The following RAB3IP variants were observed in gnomAD, a reference collection of about 807,000 sequenced individuals.
The protein encoded by RAB3IP is rab-3A-interacting protein.
RAB3IP carries 36 observed loss-of-function variants against 59.1 expected under a neutral mutation model. The ratio of observed to expected loss-of-function variants is 0.61; its 90% CI spans 0.47 to 0.80. RAB3IP has a LOEUF of 0.80. Ranked by LOEUF, RAB3IP falls within the 30% of genes least tolerant of loss-of-function variation. RAB3IP has a pLI of 0.00. For synonymous variants in RAB3IP, 207 were observed against 191.2 expected (o/e 1.08, Z -0.68); for missense variants, 511 against 536.0 (o/e 0.95, Z 0.46).
intron 1 of RAB3IP, among the ~76,000 whole-genome samples, chr12:69,753,700 A>G (rs1194560539): frequency 1.3e-5 from 2 of 152,200 alleles, no homozygotes; most frequent in African/African-American, 2.4e-5. Context: ...CTGTCAAAGT[A>G]CTATCATAGG....
intron 3 of RAB3IP, among the ~76,000 whole-genome samples, chr12:69,760,199 G>A (rs1170310123): frequency 4.6e-5 from 7 of 152,366 alleles, no homozygotes; most frequent in Admixed American, 2.0e-4. Context: ...CCAACACAGC[G>A]AAACCCCGTC....
At chr12:69,769,015 TCTC>T (rs1872680604) in intron 3 of RAB3IP, among the ~76,000 whole-genome samples, 1 of 152,060 alleles carries the variant, frequency 6.6e-6, no homozygotes, top group African/African-American at 2.4e-5. Flanking sequence ...CCTGGGCTGT[TCTC>T]CTGATACTGA....
At chr12:69,742,653 A>G (rs1887457251) in intron 1 of RAB3IP, among the ~76,000 whole-genome samples, 2 of 152,208 alleles carry the variant, frequency 1.3e-5, no homozygotes, top group Non-Finnish European at 2.9e-5. Context: ...CAGTTGAAGA[A>G]TGTTAGGATG....
intron 3 of RAB3IP, among the ~76,000 whole-genome samples, chr12:69,767,663 C>A (rs114502835): frequency 2.6e-5 from 4 of 152,152 alleles, no homozygotes; most frequent in Admixed American, 2.6e-4. Flanking sequence ...TCTGCCTGGG[C>A]GTGGAGCAGA....
intron 3 of RAB3IP, among the ~76,000 whole-genome samples, chr12:69,767,866 G>T (rs1872482643): frequency 6.6e-6 from 1 of 152,044 alleles, no homozygotes; most frequent in South Asian, 2.1e-4. Context: ...ATCTCTGAAT[G>T]CCTGGAGATC....
chr12:69,739,968 T>TA, intron 1 of RAB3IP: 1 of 1,138,036 alleles, frequency 8.8e-7, no homozygotes, highest in Non-Finnish European at 1.3e-6. Flanking sequence ...GGCTACCTGT[T>TA]ATACACTCTC....
At position 69,755,492 on chromosome 12, in the gene RAB3IP, A is replaced by G. The variant is rs892743424; in HGVS notation, c.84A>G (p.Ser28=). The G allele has an allele frequency of 1.2e-6, 2 of 1,614,044 alleles. No homozygotes were observed. Among genetic ancestry groups the G allele is most frequent in the African/African-American group, 2.7e-5 (2 of 74,910 alleles). The change falls in exon 2 of 11, where the codon TCA becomes TCG. Residue 28 remains serine (S), a synonymous_variant. Coordinates refer to ENST00000247833, the MANE Select transcript of RAB3IP (RefSeq NM_022456.5). ...TSPDLLGVYE[S]GTQEQTTSPS... ...CGGACCTTCTTGGTGTGTATGAATC[A>G]GGAACTCAAGAGCAGACTACCTCAC...
intron 1 of RAB3IP, among the ~76,000 whole-genome samples, chr12:69,745,706 A>G (rs1868310153): frequency 6.6e-6 from 1 of 152,172 alleles, no homozygotes; most frequent in East Asian, 1.9e-4. Context: ...CATGTGCAGA[A>G]CATGCAGGTT....
At chr12:69,742,259 T>C (rs757589451) in intron 1 of RAB3IP, among the ~76,000 whole-genome samples, 5 of 152,214 alleles carry the variant, frequency 3.3e-5, no homozygotes, top group Non-Finnish European at 5.9e-5. Flanking sequence ...TTTTTTCCGA[T>C]ATAATTCTGA....
chr12:69,800,065 T>C (rs1329266063), intron 6 of RAB3IP, 144 bp from the exon 7 acceptor site: 1 of 492,272 alleles, frequency 2.0e-6, no homozygotes, highest in African/African-American at 2.0e-5. Flanking sequence ...CTACCAGGTA[T>C]TGAACCACCA....
chr12:69,794,624 A>T (rs573615673), intron 5 of RAB3IP, 110 bp downstream of exon 5: 1 of 791,426 alleles, frequency 1.3e-6, no homozygotes, highest in South Asian at 2.2e-5. Context: ...GCTTGTTTTC[A>T]ATTTGGAAAC....
chr12:69,744,401 C>T (rs1027743685), intron 1 of RAB3IP, among the ~76,000 whole-genome samples: 1 of 151,912 alleles, frequency 6.6e-6, no homozygotes, highest in African/African-American at 2.4e-5. Flanking sequence ...TAACTAACAT[C>T]TCTACACATG....
chr12:69,809,837 G>T (rs987254810), intron 8 of RAB3IP, among the ~76,000 whole-genome samples: 7 of 151,968 alleles, frequency 4.6e-5, no homozygotes, highest in Non-Finnish European at 8.8e-5. Flanking sequence ...CTTTGCCATT[G>T]GTTCGAACTT....
chr12:69,754,342 G>GACACACAC (rs146834778), intron 1 of RAB3IP, among the ~76,000 whole-genome samples: 12,201 of 149,982 alleles, frequency 0.081, 716 homozygotes, highest in East Asian at 0.27. Flanking sequence ...CAGATACACG[G>GACACACAC]GCACACACAC....
intron 1 of RAB3IP, among the ~76,000 whole-genome samples, chr12:69,748,184 C>T (rs898546582): frequency 6.6e-6 from 1 of 150,460 alleles, no homozygotes; most frequent in Non-Finnish European, 1.5e-5. Context: ...TTCTTTTGGA[C>T]TACTGATATA....
At position 69,739,679 on chromosome 12, in the gene RAB3IP, C is replaced by T. The variant is rs905958418; in HGVS notation, c.-26+648C>T. The T allele has an allele frequency of 1.4e-4, 92 of 677,200 alleles. No individual in the cohort carries two copies. In the African/African-American group the frequency reaches 1.6e-3, roughly 11 times the overall value. 41.9% of individuals were successfully genotyped at this position (677,200 alleles called of 1,614,324 possible). A position where few individuals can be genotyped will look rare whatever the true frequency, so the allele number is the denominator to read the frequency against. On this transcript the variant is annotated intron_variant, in intron 1 of 10. Transcript: ENST00000247833. ...GCCCAAGTAGGCAGCTCCGTGCCGC[C>T]AGACTTGTGTTCGGGGGAGTTGAGA... is the stretch of plus-strand genomic sequence containing the variant.
intron 3 of RAB3IP, among the ~76,000 whole-genome samples, chr12:69,779,517 T>G (rs1357361290): frequency 6.6e-6 from 1 of 152,144 alleles, no homozygotes; most frequent in African/African-American, 2.4e-5. Flanking sequence ...CCATAGATCT[T>G]GTAAGCTTTC....
intron 2 of RAB3IP, 121 bp downstream of exon 2, chr12:69,755,780 A>G: frequency 2.7e-6 from 2 of 752,584 alleles, no homozygotes; most frequent in East Asian, 5.4e-5. Flanking sequence ...CTAGGTAAAG[A>G]AATACATGAC....
intron 3 of RAB3IP, among the ~76,000 whole-genome samples, chr12:69,769,242 C>G (rs547747909): frequency 6.6e-6 from 1 of 152,144 alleles, no homozygotes; most frequent in Admixed American, 6.5e-5. Flanking sequence ...CAGACTAATA[C>G]GTGCCCAGAT....
Sources: gnomAD v4.1 joint callset for allele counts (sites outside exome capture counted in the v4.1 genomes callset) on GRCh38, gnomAD v4.1.1 for gene constraint, MANE v1.5 for transcripts, NCBI Gene and HGNC (gene_info 2026-07-23, HGNC 2026-07-21) for gene names.